Variants in EVI5 observed in about 807,000 individuals in gnomAD.
The protein encoded by EVI5 is ecotropic viral integration site 5.
EVI5 carries 73 observed loss-of-function variants against 112.0 expected under a neutral mutation model. The observed-to-expected ratio is 0.65, with a 90% CI of 0.54 to 0.79. The LOEUF (loss-of-function observed/expected upper bound fraction) is 0.79, where lower values mean the gene tolerates loss of function less well. EVI5 is among the 30% of genes least tolerant of loss of function. The pLI is 0.00. For synonymous variants in EVI5, 305 were observed against 319.9 expected (o/e 0.95, Z 0.50); for missense variants, 900 against 968.8 (o/e 0.93, Z 0.94).
chr1:92,604,178 C>T (rs1037672845), intron 18 of EVI5, among the ~76,000 whole-genome samples: 20 of 150,078 alleles, frequency 1.3e-4, no homozygotes, highest in African/African-American at 4.9e-4. Flanking sequence ...AGGGAGACCT[C>T]ATTGCTACTA....
chr1:92,790,796 C>T (rs776000998), intron 1 of EVI5, among the ~76,000 whole-genome samples: 37 of 151,228 alleles, frequency 2.4e-4, no homozygotes, highest in Non-Finnish European at 4.9e-4. Flanking sequence ...TGCACTGCAC[C>T]CTGGGCAACA....
At chr1:92,779,176 A>G (rs1684540850) in intron 1 of EVI5, among the ~76,000 whole-genome samples, 3 of 152,152 alleles carry the variant, frequency 2.0e-5, no homozygotes, top group Non-Finnish European at 2.9e-5. Flanking sequence ...GCCTCTACTA[A>G]TAAGACTATA....
intron 2 of EVI5, among the ~76,000 whole-genome samples, chr1:92,726,322 T>C (rs1050126501): frequency 2.6e-5 from 4 of 152,124 alleles, no homozygotes; most frequent in Non-Finnish European, 5.9e-5. Flanking sequence ...ACAAATGTGC[T>C]TGAGAGTAAC....
chr1:92,725,706 G>C, intron 2 of EVI5, among the ~76,000 whole-genome samples: 1 of 120,920 alleles, frequency 8.3e-6, no homozygotes, highest in East Asian at 2.5e-4. Context: ...CTGGGTGACA[G>C]AGTGAGATTT....
At chr1:92,642,034 G>A (rs143181290) in intron 13 of EVI5, among the ~76,000 whole-genome samples, 1 of 152,204 alleles carries the variant, frequency 6.6e-6, no homozygotes, top group East Asian at 1.9e-4. Flanking sequence ...AGGAGGCTGA[G>A]GCAGGAGAGT....
chr1:92,567,148 TA>T (rs1045351038), intron 18 of EVI5, among the ~76,000 whole-genome samples: 1 of 151,796 alleles, frequency 6.6e-6, no homozygotes, highest in African/African-American at 2.4e-5. Context: ...TTTAAAGAGT[TA>T]AAAAAACAGC....
chr1:92,712,088 G>A (rs1215452686), intron 2 of EVI5, among the ~76,000 whole-genome samples: 1 of 152,256 alleles, frequency 6.6e-6, no homozygotes, highest in Non-Finnish European at 1.5e-5. Context: ...TCACCTTTGG[G>A]ATTAGCTTTC....
chr1:92,726,517 C>T (rs574983048), intron 2 of EVI5, among the ~76,000 whole-genome samples: 2 of 151,978 alleles, frequency 1.3e-5, no homozygotes, highest in Non-Finnish European at 2.9e-5. Context: ...AACATACAAA[C>T]GCTAAATAAT....
At position 92,626,435 on chromosome 1, in the gene EVI5, G is replaced by T. The variant is rs371738129; in HGVS notation, c.1528-501C>A. 3.5e-4 allele frequency among the ~76,000 whole-genome samples: 54 copies of T among 152,220 alleles called. No homozygotes were observed. In the South Asian group the frequency reaches 0.011, roughly 30 times the overall value. ...TAATCTATTTATTCATCAGTTAATA[G>T]AAATTTGGGTTGTTTCCACTTTTTG... On this transcript the variant is annotated intron_variant, in intron 14 of 19. Coordinates refer to ENST00000684568, the MANE Select transcript of EVI5 (RefSeq NM_001350197.2).
intron 2 of EVI5, among the ~76,000 whole-genome samples, chr1:92,709,320 C>T (rs1225781027): frequency 1.3e-5 from 2 of 152,100 alleles, no homozygotes; most frequent in Non-Finnish European, 2.9e-5. Context: ...TTAAGAACTA[C>T]ACATTTCTCT....
At chr1:92,675,703 T>A (rs1433112216) in intron 10 of EVI5, among the ~76,000 whole-genome samples, 1 of 152,094 alleles carries the variant, frequency 6.6e-6, no homozygotes, top group Admixed American at 6.5e-5. Flanking sequence ...ACGCCTGTAA[T>A]CCTAGCACTT....
In EVI5 at chr1:92,562,061, C is replaced by A. The variant is rs1417815987; in HGVS notation, c.2166+1581G>T. Among the ~76,000 whole-genome samples, 3 of 152,094 alleles carry A rather than the reference C, an allele frequency of 2.0e-5. No individual in the cohort carries two copies. The East Asian group carries it at 5.8e-4, about 29-fold the overall frequency. ...CTTTCTTGTTTCAGCAACATTAAAGCTTCCTTATAATGAGACATCAAAATT... is the reference window on the plus strand; with the variant it reads ...CTTTCTTGTTTCAGCAACATTAAAGATTCCTTATAATGAGACATCAAAATT... On this transcript the variant is annotated intron_variant, in intron 19 of 19. Coordinates refer to ENST00000684568, the MANE Select transcript of EVI5 (RefSeq NM_001350197.2).
chr1:92,777,723 A>T (rs1294102312), intron 1 of EVI5, among the ~76,000 whole-genome samples: 1 of 152,178 alleles, frequency 6.6e-6, no homozygotes, highest in African/African-American at 2.4e-5. Context: ...CAGATTGAAC[A>T]CACACACATC....
chr1:92,725,598 C>T (rs1052887239), intron 2 of EVI5, among the ~76,000 whole-genome samples: 1 of 152,046 alleles, frequency 6.6e-6, no homozygotes, highest in Non-Finnish European at 1.5e-5. Flanking sequence ...TGGCACACAC[C>T]TGTAGTCCCA....
intron 19 of EVI5, among the ~76,000 whole-genome samples, chr1:92,515,254 T>C (rs1659681657): frequency 1.3e-5 from 2 of 152,130 alleles, no homozygotes; most frequent in Non-Finnish European, 2.9e-5. Flanking sequence ...AATTCTAGAG[T>C]TTAGTATTGA....
chr1:92,744,956 GAC>G (rs1679038490), intron 1 of EVI5, among the ~76,000 whole-genome samples: 1 of 151,982 alleles, frequency 6.6e-6, no homozygotes, highest in Non-Finnish European at 1.5e-5. Context: ...TCTTTTTTGA[GAC>G]AGAGTCTTGT....
At chr1:92,668,446 C>T (rs1665294133) in intron 10 of EVI5, among the ~76,000 whole-genome samples, 1 of 152,116 alleles carries the variant, frequency 6.6e-6, no homozygotes, top group Non-Finnish European at 1.5e-5. Context: ...CATATTTCAT[C>T]AACAAAAGGT....
chr1:92,604,124 C>T (rs1468634355), intron 18 of EVI5, among the ~76,000 whole-genome samples: 4 of 151,766 alleles, frequency 2.6e-5, no homozygotes, highest in African/African-American at 9.7e-5. Flanking sequence ...CAGAGGTGGG[C>T]GGATCACTTA....
At chr1:92,557,121 C>A in intron 19 of EVI5, among the ~76,000 whole-genome samples, 1 of 152,202 alleles carries the variant, frequency 6.6e-6, no homozygotes, top group South Asian at 2.1e-4. Flanking sequence ...ACAAAAAAGA[C>A]AGGATGACAG....
Sources: gnomAD v4.1 joint callset for allele counts (sites outside exome capture counted in the v4.1 genomes callset) on GRCh38, gnomAD v4.1.1 for gene constraint, MANE v1.5 for transcripts, NCBI Gene and HGNC (gene_info 2026-07-23, HGNC 2026-07-21) for gene names.